Variants in PPP2R3A observed in about 807,000 individuals in gnomAD.
PPP2R3A encodes the protein serine/threonine-protein phosphatase 2A regulatory subunit B'' subunit alpha.
A neutral mutation model predicts 106.9 loss-of-function variants in PPP2R3A; 80 were observed. That is an observed-to-expected ratio of 0.75 (90% CI 0.62 to 0.90). The LOEUF (loss-of-function observed/expected upper bound fraction) is 0.90, where lower values mean the gene tolerates loss of function less well. Ranked by LOEUF, PPP2R3A falls within the 40% of genes least tolerant of loss-of-function variation. PPP2R3A has a pLI of 0.00. For synonymous variants in PPP2R3A, 483 were observed against 468.3 expected (o/e 1.03, Z -0.41); for missense variants, 1,386 against 1,350.4 (o/e 1.03, Z -0.41).
intron 1 of PPP2R3A, among the ~76,000 whole-genome samples, chr3:135,988,264 A>C (rs958771694): frequency 6.6e-5 from 10 of 152,050 alleles, no homozygotes; most frequent in Non-Finnish European, 1.0e-4. Context: ...AAAAAAAAAA[A>C]AAACAGTTTT....
At chr3:135,971,175 G>T (rs1232479957) in intron 1 of PPP2R3A, among the ~76,000 whole-genome samples, 1 of 152,144 alleles carries the variant, frequency 6.6e-6, no homozygotes, top group Non-Finnish European at 1.5e-5. Context: ...CCAGTTGCAT[G>T]CATGTAAAAA....
intron 5 of PPP2R3A, among the ~76,000 whole-genome samples, chr3:136,056,012 G>A (rs1252547542): frequency 2.6e-5 from 4 of 152,136 alleles, no homozygotes; most frequent in African/African-American, 7.2e-5. Context: ...CATCAATCAC[G>A]TTGTTAGTAT....
chr3:136,005,915 T>C (rs1933827481), intron 2 of PPP2R3A, among the ~76,000 whole-genome samples: 1 of 152,148 alleles, frequency 6.6e-6, no homozygotes, highest in South Asian at 2.1e-4. Context: ...TGTGATACGG[T>C]GTTTTGAATT....
chr3:136,008,909 A>ATT (rs1450702774), intron 2 of PPP2R3A, among the ~76,000 whole-genome samples: 1 of 151,974 alleles, frequency 6.6e-6, no homozygotes, highest in South Asian at 2.1e-4. Flanking sequence ...TCTGTCTAAT[A>ATT]TGCCCTTCAT....
At chr3:136,133,035 A>G (rs1938485033) in intron 13 of PPP2R3A, among the ~76,000 whole-genome samples, 1 of 152,194 alleles carries the variant, frequency 6.6e-6, no homozygotes, top group South Asian at 2.1e-4. Context: ...CTAAATATAA[A>G]AATAATTAAA....
At chr3:136,045,197 C>T (rs1407151854) in intron 4 of PPP2R3A, among the ~76,000 whole-genome samples, 4 of 152,200 alleles carry the variant, frequency 2.6e-5, no homozygotes, top group Non-Finnish European at 5.9e-5. Flanking sequence ...GCACAGCCTC[C>T]ACTCCCCTGC....
intron 13 of PPP2R3A, among the ~76,000 whole-genome samples, chr3:136,123,576 A>G (rs1381291739): frequency 6.6e-6 from 1 of 152,194 alleles, no homozygotes; most frequent in East Asian, 1.9e-4. Flanking sequence ...TTTGTTTTAT[A>G]AATAGGGTTC....
In PPP2R3A at chr3:135,982,018, AC is replaced by A. The variant is rs569128245; in HGVS notation, c.-441+16171del. Among the ~76,000 whole-genome samples, 1,371 of 151,854 alleles carry A rather than the reference AC, an allele frequency of 9.0e-3. 10 individuals carry two copies. Among genetic ancestry groups the A allele is most frequent in the Non-Finnish European group, 0.013 (862 of 68,020 alleles). On this transcript the variant is annotated intron_variant, in intron 1 of 13. Coordinates refer to ENST00000264977, the MANE Select transcript of PPP2R3A (RefSeq NM_002718.5). ...GAGAGGCAAGAGTGGAAGCAGGGAG[AC>A]CAGTTAGAAGTCCATGACAGTACTT...
chr3:136,143,396 C>T (rs997612881), intron 13 of PPP2R3A, among the ~76,000 whole-genome samples: 1 of 152,130 alleles, frequency 6.6e-6, no homozygotes, highest in Admixed American at 6.6e-5. Flanking sequence ...GAGGCTGAGG[C>T]AGGAGAATTG....
At chr3:136,083,728 A>G (rs983428636) in intron 8 of PPP2R3A, among the ~76,000 whole-genome samples, 6 of 152,240 alleles carry the variant, frequency 3.9e-5, no homozygotes, top group Admixed American at 2.0e-4. Context: ...AGAGACTTGA[A>G]TGGCTTTAAC....
At position 136,001,759 on chromosome 3, in the gene PPP2R3A, C is replaced by T. The variant is rs376851575; in HGVS notation, c.261C>T (p.Pro87=). 45 of 1,613,998 alleles carry T rather than the reference C, an allele frequency of 2.8e-5. 1 individual carries two copies. The Middle Eastern group carries it at 1.3e-3, about 47-fold the overall frequency. ...TTTCTTCGGCTGAAGGAGACTATCC[C>T]CAACAGGCCTTCACAGGCATACCCA... ...NGLSSAEGDY[P]QQAFTGIPRV... is the part of the protein sequence containing the mutation. Residue 87 remains proline, a synonymous_variant, in exon 2 of 14, where the codon CCC becomes CCT. Coordinates refer to ENST00000264977, the MANE Select transcript of PPP2R3A (RefSeq NM_002718.5).
chr3:136,098,863 A>G (rs1374511366), intron 10 of PPP2R3A, among the ~76,000 whole-genome samples: 1 of 152,156 alleles, frequency 6.6e-6, no homozygotes, highest in Non-Finnish European at 1.5e-5. Flanking sequence ...GTTTATAGAA[A>G]GTTTGTTTAA....
intron 2 of PPP2R3A, among the ~76,000 whole-genome samples, chr3:136,021,990 C>T (rs56722014): frequency 4.0e-5 from 6 of 151,874 alleles, no homozygotes; most frequent in Non-Finnish European, 7.4e-5. Flanking sequence ...GATTTTGGTC[C>T]GTGGAGGGTC....
In PPP2R3A at chr3:136,002,799, A is replaced by C. The variant is rs1174071522; in HGVS notation, c.1301A>C (p.Glu434Ala). 1 of 1,613,664 alleles carries C rather than the reference A, an allele frequency of 6.2e-7. No homozygotes were observed. Among genetic ancestry groups the C allele is most frequent in the African/African-American group, 1.3e-5 (1 of 74,934 alleles). ...KKALDKGQKTENGPSHELLKV... is the reference protein window; with the variant it reads ...KKALDKGQKTANGPSHELLKV... ...GCATTAGATAAAGGACAAAAGACAGAGAATGGACCTAGTCATGAGTTATTA... is the reference window on the plus strand; with the variant it reads ...GCATTAGATAAAGGACAAAAGACAGCGAATGGACCTAGTCATGAGTTATTA... The change falls in exon 2 of 14, where the codon GAG becomes GCG. Residue 434 changes from glutamate (E) to alanine (A), a missense_variant. Glu to Ala is a moderately radical substitution (Grantham distance 107, BLOSUM62 -1). Coordinates refer to ENST00000264977, the MANE Select transcript of PPP2R3A (RefSeq NM_002718.5).
chr3:136,057,098 T>G (rs897633191), intron 5 of PPP2R3A, among the ~76,000 whole-genome samples: 2 of 151,722 alleles, frequency 1.3e-5, no homozygotes, highest in Admixed American at 6.6e-5. Context: ...TTGGTGGGAA[T>G]GTAAATTAAT....
intron 13 of PPP2R3A, among the ~76,000 whole-genome samples, chr3:136,140,542 A>G (rs1038286135): frequency 6.6e-6 from 1 of 150,816 alleles, no homozygotes; most frequent in African/African-American, 2.4e-5. Context: ...TGAGGTCGGG[A>G]GTTTGAGACC....
intron 2 of PPP2R3A, among the ~76,000 whole-genome samples, chr3:136,013,819 G>T (rs1934178628): frequency 1.8e-5 from 2 of 111,474 alleles, no homozygotes; most frequent in African/African-American, 6.0e-5. Flanking sequence ...TATTTCTTTT[G>T]CTGTGCAGAA....
chr3:136,069,880 A>G (rs1936371663), intron 5 of PPP2R3A, among the ~76,000 whole-genome samples: 1 of 152,254 alleles, frequency 6.6e-6, no homozygotes, highest in Non-Finnish European at 1.5e-5. Flanking sequence ...TAATATTCCA[A>G]TAGTCTTCAA....
At chr3:136,139,779 G>A (rs1054488980) in intron 13 of PPP2R3A, among the ~76,000 whole-genome samples, 4 of 151,610 alleles carry the variant, frequency 2.6e-5, no homozygotes, top group Non-Finnish European at 5.9e-5. Context: ...CGAGGCAGGC[G>A]GATCACCTGA....
Sources: gnomAD v4.1 joint callset for allele counts (sites outside exome capture counted in the v4.1 genomes callset) on GRCh38, gnomAD v4.1.1 for gene constraint, MANE v1.5 for transcripts, NCBI Gene and HGNC (gene_info 2026-07-23, HGNC 2026-07-21) for gene names.